KCNQ3: variants seen among roughly 807,000 people sequenced by gnomAD.
KCNQ3 encodes potassium voltage-gated channel subfamily KQT member 3.
A neutral mutation model predicts 92.5 loss-of-function variants in KCNQ3; 30 were observed. The observed-to-expected ratio is 0.32, with a 90% CI of 0.24 to 0.44. The LOEUF (loss-of-function observed/expected upper bound fraction) is 0.44. KCNQ3 is among the 20% of genes least tolerant of loss of function. The pLI, the probability that KCNQ3 is intolerant of heterozygous loss-of-function variation, is 1.00. For missense variants in KCNQ3, 913 were observed against 1,140.3 expected (o/e 0.80, Z 2.87); for synonymous variants, 450 against 468.8 (o/e 0.96, Z 0.52).
intron 1 of KCNQ3, among the ~76,000 whole-genome samples, chr8:132,244,314 GAA>G (rs1210767501): frequency 2.0e-5 from 3 of 150,584 alleles, no homozygotes; most frequent in Non-Finnish European, 4.4e-5. Flanking sequence ...TTAGTAAAAT[GAA>G]AAAAGAGAAT....
At chr8:132,338,139 G>C (rs1278062953) in intron 1 of KCNQ3, among the ~76,000 whole-genome samples, 1 of 152,168 alleles carries the variant, frequency 6.6e-6, no homozygotes, top group Non-Finnish European at 1.5e-5. Flanking sequence ...AGTATACTGG[G>C]AAGCACTTTG....
intron 1 of KCNQ3, among the ~76,000 whole-genome samples, chr8:132,286,932 C>T (rs546098065): frequency 1.3e-5 from 2 of 152,264 alleles, no homozygotes; most frequent in Non-Finnish European, 2.9e-5. Flanking sequence ...TTAGCTTGCT[C>T]ATCCTTCCAC....
intron 12 of KCNQ3, among the ~76,000 whole-genome samples, chr8:132,136,862 CTTTTTTTT>C (rs34845943): frequency 2.4e-5 from 3 of 123,366 alleles, no homozygotes; most frequent in African/African-American, 8.9e-5. Flanking sequence ...GGCTGCATAA[CTTTTTTTT>C]TTTTTTTTTT....
chr8:132,197,561 G>A lies in KCNQ3; in HGVS notation c.387-11380C>T, dbSNP rs180865873. On this transcript the variant is annotated intron_variant, in intron 1 of 14. Transcript: ENST00000388996. ...CCACACTAAGTGGGCAGGCACAGTG[G>A]GAATCTGAGTCAAGCAAGAAGAGAG... Among the ~76,000 whole-genome samples, 496 of 152,272 alleles carry A rather than the reference G, an allele frequency of 3.3e-3. 6 individuals carry two copies. The highest frequency in any genetic ancestry group is 1.7e-3 in the Non-Finnish European group (115 of 68,022).
chr8:132,326,783 AAAGTT>A (rs1818065311), intron 1 of KCNQ3, among the ~76,000 whole-genome samples: 2 of 152,332 alleles, frequency 1.3e-5, no homozygotes, highest in South Asian at 4.1e-4. Flanking sequence ...CATGAGAAAT[AAAGTT>A]ATGTTCTTTA....
chr8:132,224,286 G>C (rs1470129869), intron 1 of KCNQ3, among the ~76,000 whole-genome samples: 3 of 151,608 alleles, frequency 2.0e-5, no homozygotes, highest in African/African-American at 7.3e-5. Flanking sequence ...ATTTATACTT[G>C]CATCCTTCCA....
intron 1 of KCNQ3, among the ~76,000 whole-genome samples, chr8:132,473,210 C>T (rs1822332498): frequency 6.6e-6 from 1 of 152,076 alleles, no homozygotes; most frequent in Admixed American, 6.5e-5. Context: ...AGAAAACCAA[C>T]ATCAAGTGGT....
intron 11 of KCNQ3, among the ~76,000 whole-genome samples, chr8:132,139,452 G>A (rs558829602): frequency 2.8e-4 from 42 of 152,248 alleles, no homozygotes; most frequent in Admixed American, 4.6e-4. Context: ...GGAATCTTGC[G>A]GAAAATACCA....
At chr8:132,196,753 T>C (rs934677080) in intron 1 of KCNQ3, among the ~76,000 whole-genome samples, 2 of 152,218 alleles carry the variant, frequency 1.3e-5, no homozygotes, top group African/African-American at 4.8e-5. Context: ...GTTCAGACTT[T>C]CAGCCAATAA....
At chr8:132,265,134 C>A (rs1815940509) in intron 1 of KCNQ3, among the ~76,000 whole-genome samples, 1 of 152,222 alleles carries the variant, frequency 6.6e-6, no homozygotes, top group South Asian at 2.1e-4. Context: ...GCACACAGCA[C>A]ATAGTAGGTG....
Position 132,184,377 on chromosome 8 carries a change from A to G in KCNQ3, c.478-10T>C. On this transcript the variant is annotated splice_polypyrimidine_tract_variant and intron_variant, in intron 2 of 14. Transcript: ENST00000388996. ...AAATAGCAAATGTCTCCTGCATGGAAGAGCATATGGAGAGGCACTGATTAA... is the reference window on the plus strand; with the variant it reads ...AAATAGCAAATGTCTCCTGCATGGAGGAGCATATGGAGAGGCACTGATTAA... The G allele has an allele frequency of 6.2e-7, 1 of 1,613,938 alleles. No individual in the cohort carries two copies. Among genetic ancestry groups the G allele is most frequent in the South Asian group, 1.1e-5 (1 of 91,076 alleles).
intron 1 of KCNQ3, among the ~76,000 whole-genome samples, chr8:132,249,448 A>C (rs1373868877): frequency 1.3e-5 from 2 of 152,188 alleles, no homozygotes; most frequent in East Asian, 3.9e-4. Flanking sequence ...GTGCATTTAC[A>C]AACCTTGAGC....
chr8:132,191,062 G>T (rs1827140537), intron 1 of KCNQ3, among the ~76,000 whole-genome samples: 1 of 152,240 alleles, frequency 6.6e-6, no homozygotes, highest in South Asian at 2.1e-4. Flanking sequence ...AAAGGCAAGG[G>T]ATATAAGGTG....
intron 1 of KCNQ3, among the ~76,000 whole-genome samples, chr8:132,300,058 G>T (rs1390192154): frequency 6.6e-6 from 1 of 152,176 alleles, no homozygotes; most frequent in Non-Finnish European, 1.5e-5. Context: ...TGAGGACAAG[G>T]ATTAGGTCTC....
rs546888999 is a variant in KCNQ3, at chr8:132,245,538, G to T, written c.387-59357C>A. 2.2e-4 allele frequency among the ~76,000 whole-genome samples: 34 copies of T among 152,042 alleles called. No individual in the cohort carries two copies. In the South Asian group the frequency reaches 4.6e-3, roughly 20 times the overall value. On this transcript the variant is annotated intron_variant, in intron 1 of 14. Coordinates refer to ENST00000388996, the MANE Select transcript of KCNQ3 (RefSeq NM_004519.4). ...CATTGGTCAAAAAATTACAGATGAA[G>T]TTAAAACTTCTGAAAGTTTTAACCA...
In KCNQ3 at chr8:132,129,797, G is replaced by A. The variant is rs760983146; in HGVS notation, c.2084C>T (p.Pro695Leu). 13 of 1,614,074 alleles carry A rather than the reference G, an allele frequency of 8.1e-6. No homozygotes were observed. Among genetic ancestry groups the A allele is most frequent in the Non-Finnish European group, 1.0e-5 (12 of 1,180,046 alleles). ...CNYSETGPPE[P>L]PYSFHQVTID... Reference sequence around the variant, plus strand: ...GGTCACCTGGTGGAAGCTGTAGGGTGGTTCCGGGGGGCCTGTCTCAGAATA... The same window carrying A: ...GGTCACCTGGTGGAAGCTGTAGGGTAGTTCCGGGGGGCCTGTCTCAGAATA... The change falls in exon 15 of 15, where the codon CCA (proline) becomes CTA (leucine). Residue 695 changes from proline (P) to leucine (L), a missense_variant. Pro to Leu is a moderately conservative substitution (Grantham distance 98). Transcript: ENST00000388996. The surrounding 1 kb of genome is among the most constrained non-coding windows in gnomAD (Gnocchi z 5.9).
At chr8:132,357,374 C>T (rs551520173) in intron 1 of KCNQ3, among the ~76,000 whole-genome samples, 47 of 152,280 alleles carry the variant, frequency 3.1e-4, no homozygotes, top group African/African-American at 1.1e-3. Context: ...GCTCGATTCT[C>T]CTGAGACCAC....
At chr8:132,365,971 C>T (rs2130730680) in intron 1 of KCNQ3, among the ~76,000 whole-genome samples, 1 of 152,298 alleles carries the variant, frequency 6.6e-6, no homozygotes, top group East Asian at 1.9e-4. Flanking sequence ...GTGGAAGTTA[C>T]AGTGAGCCAA....
At chr8:132,401,415 C>T (rs1045414277) in intron 1 of KCNQ3, among the ~76,000 whole-genome samples, 52 of 150,638 alleles carry the variant, frequency 3.5e-4, no homozygotes, top group African/African-American at 1.0e-3. Flanking sequence ...CTTGCTCTGT[C>T]GCCAGGCTGG....
Sources: allele counts gnomAD v4.1 joint callset (sites outside exome capture counted in the v4.1 genomes callset), GRCh38; gene constraint gnomAD v4.1.1; non-coding constraint Gnocchi (gnomAD v3.1); transcripts MANE v1.5; gene names NCBI Gene and HGNC (gene_info 2026-07-23, HGNC 2026-07-21).